The following ZC3H13 variants were observed in gnomAD, a reference collection of about 807,000 sequenced individuals.
The protein encoded by ZC3H13 is zinc finger CCCH-type containing 13, also known as zinc finger CCCH domain-containing protein 13.
In ZC3H13, 64 loss-of-function variants were observed where a neutral mutation model predicts 204.1. The observed-to-expected ratio is 0.31, with a 90% CI of 0.26 to 0.39. The LOEUF (loss-of-function observed/expected upper bound fraction) is 0.39. Among genes scored for constraint, ZC3H13 ranks in the 10% least tolerant of loss-of-function variants. The probability of loss-of-function intolerance (pLI) is 1.00; values close to 1 mark genes in which losing one functional copy is unlikely to be tolerated. For synonymous variants in ZC3H13, 667 were observed against 693.7 expected (o/e 0.96, Z 0.60); for missense variants, 1,833 against 2,082.7 (o/e 0.88, Z 2.33).
chr13:46,016,692 G>A (rs1037504152), intron 5 of ZC3H13, among the ~76,000 whole-genome samples: 2 of 152,062 alleles, frequency 1.3e-5, no homozygotes, highest in African/African-American at 4.8e-5. Context: ...CATCCAATGG[G>A]TTGGACACAT....
At chr13:46,039,472 T>G (rs1364925229) in intron 4 of ZC3H13, among the ~76,000 whole-genome samples, 1 of 152,228 alleles carries the variant, frequency 6.6e-6, no homozygotes, top group Admixed American at 6.5e-5. Context: ...CACAGCAACA[T>G]GGACAGCCTG....
At chr13:46,019,741 G>T (rs2042113327) in intron 5 of ZC3H13, among the ~76,000 whole-genome samples, 1 of 152,082 alleles carries the variant, frequency 6.6e-6, no homozygotes, top group African/African-American at 2.4e-5. Flanking sequence ...GCACCACCAT[G>T]TCAGGCTAAT....
chr13:45,969,213 T>C lies in ZC3H13; in HGVS notation c.3331A>G (p.Thr1111Ala), dbSNP rs752022416. ...LPPPPPVATA[T>A]ATTVPATLAA... Reference sequence around the variant, plus strand: ...AGAGTTGCAGGCACAGTTGTAGCAGTGGCAGTAGCCACAGGCGGTGGAGGA... The same window carrying C: ...AGAGTTGCAGGCACAGTTGTAGCAGCGGCAGTAGCCACAGGCGGTGGAGGA... Residue 1111 changes from threonine (T) to alanine (A), a missense_variant, in exon 14 of 19, where the codon ACT becomes GCT. Physicochemically the swap from Thr to Ala is moderately conservative, Grantham distance 58. Around this residue, in one of 5 missense-constraint regions of ZC3H13, gnomAD observed 1,574 missense variants for 1,757.2 expected, o/e 0.90. Transcript: ENST00000679008. 5.6e-6 allele frequency: 9 copies of C among 1,613,698 alleles called. No individual in the cohort carries two copies. Among genetic ancestry groups the C allele is most frequent in the African/African-American group, 4.0e-5 (3 of 74,902 alleles).
chr13:46,016,319 G>A (rs1200648792), intron 5 of ZC3H13, among the ~76,000 whole-genome samples: 1 of 151,870 alleles, frequency 6.6e-6, no homozygotes, highest in Non-Finnish European at 1.5e-5. Flanking sequence ...CACCAAACTG[G>A]GAATTACTTG....
intron 4 of ZC3H13, among the ~76,000 whole-genome samples, chr13:46,026,095 C>T (rs1172594519): frequency 1.3e-5 from 2 of 151,894 alleles, no homozygotes; most frequent in East Asian, 3.9e-4. Context: ...TAGTCCTACA[C>T]TTAATGAAAC....
chr13:45,989,242 T>C (rs1191762111), intron 8 of ZC3H13, 145 bp from the exon 9 acceptor site: 1 of 866,748 alleles, frequency 1.2e-6, no homozygotes, highest in African/African-American at 1.7e-5. Flanking sequence ...TGTAAAATTC[T>C]AAGTAAGTCA....
intron 8 of ZC3H13, among the ~76,000 whole-genome samples, chr13:45,989,585 A>C (rs2039821829): frequency 6.6e-6 from 1 of 152,244 alleles, no homozygotes; most frequent in South Asian, 2.1e-4. Context: ...ATGGGTTGAC[A>C]TTTAGGACTA....
chr13:45,984,458 TTAA>T (rs918370526), intron 10 of ZC3H13, among the ~76,000 whole-genome samples: 4 of 152,124 alleles, frequency 2.6e-5, no homozygotes, highest in African/African-American at 4.8e-5. Flanking sequence ...GTAAAAAATA[TTAA>T]TGAGAAATAT....
intron 5 of ZC3H13, among the ~76,000 whole-genome samples, chr13:46,016,555 C>T (rs1223500895): frequency 2.6e-5 from 4 of 152,080 alleles, no homozygotes; most frequent in Non-Finnish European, 5.9e-5. Context: ...GAAATCAGGA[C>T]AGTAGTTACC....
chr13:46,014,155 A>T lies in ZC3H13; in HGVS notation c.449-2601T>A, dbSNP rs544737073. 2.6e-5 allele frequency among the ~76,000 whole-genome samples: 4 copies of T among 152,344 alleles called. No homozygotes were observed. The South Asian group carries it at 8.3e-4, about 32-fold the overall frequency. ...CAATACATAACTTTAATTTTAATACAGCAACTTTTTTTAAAATTTATTTAT... is the reference window on the plus strand; with the variant it reads ...CAATACATAACTTTAATTTTAATACTGCAACTTTTTTTAAAATTTATTTAT... On this transcript the variant is annotated intron_variant, in intron 5 of 18. Transcript: ENST00000679008.
intron 8 of ZC3H13, among the ~76,000 whole-genome samples, chr13:45,996,750 A>C (rs1253913166): frequency 6.8e-6 from 1 of 146,632 alleles, no homozygotes; most frequent in African/African-American, 2.5e-5. Flanking sequence ...AATATGTACA[A>C]AAAAAAAAAA....
intron 2 of ZC3H13, 141 bp downstream of exon 2, chr13:46,045,248 TTC>T: frequency 5.0e-6 from 5 of 994,368 alleles, no homozygotes; most frequent in Admixed American, 2.3e-5. Context: ...CCCTTTTCAC[TTC>T]TTTTTATAAA....
chr13:45,957,142 T>A lies in ZC3H13; in HGVS notation c.4995A>T (p.Glu1665Asp). Residue 1665 changes from glutamate (E) to aspartate (D), a missense_variant, in exon 19 of 19, where the codon GAA becomes GAT. Glu to Asp is a conservative substitution (Grantham distance 45, BLOSUM62 2). Around this residue, in one of 5 missense-constraint regions of ZC3H13, gnomAD observed 211 missense variants for 228.4 expected, o/e 0.92. Coordinates refer to ENST00000679008, the MANE Select transcript of ZC3H13 (RefSeq NM_001330564.2). ...AACTTCGGTCTTAAGACACACACAG[T>A]TCCTGTTGGATACTGGACTGTGAAA... ...NKLSQSSIQQ[E>D]LCVS is the part of the protein sequence containing the mutation. The A allele has an allele frequency of 6.5e-7, 1 of 1,535,806 alleles. No individual in the cohort carries two copies. The highest frequency in any genetic ancestry group is 8.8e-7 in the Non-Finnish European group (1 of 1,138,808).
chr13:46,002,171 A>C (rs1245603982), intron 8 of ZC3H13, among the ~76,000 whole-genome samples: 1 of 152,200 alleles, frequency 6.6e-6, no homozygotes, highest in African/African-American at 2.4e-5. Context: ...ATGGCTAATC[A>C]TCAGAGAAAT....
chr13:46,040,306 T>C (rs1398240599), intron 4 of ZC3H13, among the ~76,000 whole-genome samples: 1 of 152,194 alleles, frequency 6.6e-6, no homozygotes, highest in Non-Finnish European at 1.5e-5. Flanking sequence ...ATTTAAGTGA[T>C]CAAGGAAGTT....
At chr13:46,023,017 T>C (rs963194606) in intron 4 of ZC3H13, among the ~76,000 whole-genome samples, 3 of 152,180 alleles carry the variant, frequency 2.0e-5, no homozygotes, top group African/African-American at 4.8e-5. Context: ...TTGAACATTA[T>C]ATGCGTGGGC....
intron 4 of ZC3H13, among the ~76,000 whole-genome samples, chr13:46,029,755 A>G (rs1218584903): frequency 6.6e-6 from 1 of 152,138 alleles, no homozygotes; most frequent in South Asian, 2.1e-4. Flanking sequence ...AACTCATTCT[A>G]TGAGGTCAGC....
At position 45,959,585 on chromosome 13, in the gene ZC3H13, T is replaced by G; in HGVS notation, c.4737A>C (p.Lys1579Asn). 6.5e-7 allele frequency: 1 copy of G among 1,549,214 alleles called. No individual in the cohort carries two copies. The highest frequency in any genetic ancestry group is 1.7e-4 in the Middle Eastern group (1 of 5,986). ...TACTAAGAAGACTTGCTCTTTCTTC[T>G]TTTCGTAGTAATGCAGCCATATTGA... ...GALNMAALLR[K>N]EERASLLSNL... The change falls in exon 18 of 19, where the codon AAA becomes AAC. Residue 1579 changes from lysine to asparagine, a missense_variant. Physicochemically the swap from Lys to Asn is moderately conservative, Grantham distance 94 (BLOSUM62 0). This residue lies in a region of ZC3H13 where 211 missense variants were observed against 228.4 expected (regional missense o/e 0.92). Coordinates refer to ENST00000679008, the MANE Select transcript of ZC3H13 (RefSeq NM_001330564.2).
intron 5 of ZC3H13, among the ~76,000 whole-genome samples, chr13:46,012,078 T>C (rs1315425369): frequency 6.6e-6 from 1 of 152,258 alleles, no homozygotes; most frequent in Non-Finnish European, 1.5e-5. Flanking sequence ...ATTTTAGTAC[T>C]AATGTGTACA....
Sources: allele counts gnomAD v4.1 joint callset (sites outside exome capture counted in the v4.1 genomes callset), GRCh38; gene constraint gnomAD v4.1.1; regional missense constraint gnomAD v4.1.1; transcripts MANE v1.5; gene names NCBI Gene and HGNC (gene_info 2026-07-23, HGNC 2026-07-21).